The following ABLIM1 variants were observed in gnomAD, a reference collection of about 807,000 sequenced individuals.
ABLIM1 encodes the protein actin binding LIM protein 1.
In ABLIM1, 40 loss-of-function variants were observed where a neutral mutation model predicts 107.0. The ratio of observed to expected loss-of-function variants is 0.37; its 90% CI spans 0.29 to 0.49. ABLIM1 has a LOEUF of 0.49. Among genes scored for constraint, ABLIM1 ranks in the 20% least tolerant of loss-of-function variants. The pLI is 0.97. For missense variants in ABLIM1, 857 were observed against 1,008.5 expected (o/e 0.85, Z 2.04); for synonymous variants, 357 against 357.3 (o/e 1.00, Z 0.01).
At chr10:114,607,001 AC>A (rs1300865745) in intron 1 of ABLIM1, among the ~76,000 whole-genome samples, 1 of 151,904 alleles carries the variant, frequency 6.6e-6, no homozygotes, top group Non-Finnish European at 1.5e-5. Context: ...CCCTTTTCTC[AC>A]CCCAGCAGCC....
At chr10:114,770,054 C>A (rs2083004341), upstream of ABLIM1, among the ~76,000 whole-genome samples, 1 of 152,198 alleles carries the variant, frequency 6.6e-6, no homozygotes, top group African/African-American at 2.4e-5. Context: ...CCAGCCTCCA[C>A]TGCCTCCCTA....
intron 6 of ABLIM1, among the ~76,000 whole-genome samples, chr10:114,492,812 T>C (rs1409418824): frequency 6.6e-6 from 1 of 152,236 alleles, no homozygotes; most frequent in Non-Finnish European, 1.5e-5. Flanking sequence ...CATCAGAACC[T>C]GCATGAAACT....
chr10:114,601,968 G>GA lies in ABLIM1; in HGVS notation c.245-8dup, dbSNP rs750982574. 4 of 1,613,666 alleles carry GA rather than the reference G, an allele frequency of 2.5e-6. No individual in the cohort carries two copies. The Admixed American group carries it at 6.7e-5, about 27-fold the overall frequency. ...GGGTCCTGAGGGTGGGCCACTGAAA[G>GA]AAAATCAACAAAAGATCCAGGTGAG... On this transcript the variant is annotated splice_region_variant and splice_polypyrimidine_tract_variant and intron_variant, in intron 1 of 22. Coordinates refer to ENST00000533213, the MANE Select transcript of ABLIM1 (RefSeq NM_002313.7).
chr10:114,750,474 G>A (rs1422929270), intron 1 of ABLIM1, among the ~76,000 whole-genome samples: 2 of 152,150 alleles, frequency 1.3e-5, no homozygotes, highest in Non-Finnish European at 1.5e-5. Context: ...AAGTAAAAAG[G>A]TTGTTGATAA....
chr10:114,442,281 T>C (rs377621088), intron 17 of ABLIM1, among the ~76,000 whole-genome samples: 6 of 152,280 alleles, frequency 3.9e-5, no homozygotes, highest in African/African-American at 7.2e-5. Flanking sequence ...CAACCCTGTA[T>C]GTTATCAAGA....
rs539184351 is a variant in ABLIM1 at position 114,626,461 on chromosome 10, T to C, written c.245-24500A>G. ...AATCTCAGAGTCTGCCTAAGAGGTA[T>C]GAACTGGACTACTCACTTCTGATCA... On this transcript the variant is annotated intron_variant, in intron 1 of 22. Coordinates refer to ENST00000533213, the MANE Select transcript of ABLIM1 (RefSeq NM_002313.7). Among the ~76,000 whole-genome samples the C allele has an allele frequency of 1.2e-4, 19 of 152,314 alleles. No homozygotes were observed. In the Middle Eastern group the frequency reaches 0.01, roughly 82 times the overall value.
At position 114,565,195 on chromosome 10, in the gene ABLIM1, C is replaced by T. The variant is rs113101349; in HGVS notation, c.673+6102G>A. Among the ~76,000 whole-genome samples the T allele has an allele frequency of 1.1e-3, 174 of 152,334 alleles. No individual in the cohort carries two copies. The Middle Eastern group carries it at 0.014, about 12-fold the overall frequency. Reference sequence around the variant, plus strand: ...TGTGTCTAAAGAAGGAGAGGCAGATCTGTTTTTGGAGATGCTGTCATAAAA... The same window carrying T: ...TGTGTCTAAAGAAGGAGAGGCAGATTTGTTTTTGGAGATGCTGTCATAAAA... On this transcript the variant is annotated intron_variant, in intron 4 of 22. Coordinates refer to ENST00000533213, the MANE Select transcript of ABLIM1 (RefSeq NM_002313.7).
At chr10:114,657,662 C>A (rs148008495) in intron 1 of ABLIM1, among the ~76,000 whole-genome samples, 18 of 152,258 alleles carry the variant, frequency 1.2e-4, no homozygotes, top group African/African-American at 4.3e-4. Flanking sequence ...AGATAGAGAT[C>A]TTTCTTTTCC....
At chr10:114,575,276 A>C in intron 3 of ABLIM1, 140 bp downstream of exon 3, 1 of 915,650 alleles carries the variant, frequency 1.1e-6, no homozygotes, top group Non-Finnish European at 1.6e-6. Flanking sequence ...ACTAGGACTG[A>C]TAGTACAGTA....
chr10:114,566,556 T>A (rs533426929), intron 4 of ABLIM1, among the ~76,000 whole-genome samples: 14 of 152,352 alleles, frequency 9.2e-5, no homozygotes, highest in South Asian at 4.1e-4. Context: ...AATATTTTTT[T>A]AAAAATATGA....
chr10:114,518,283 T>G (rs914948921), intron 6 of ABLIM1, among the ~76,000 whole-genome samples: 1 of 152,086 alleles, frequency 6.6e-6, no homozygotes, highest in African/African-American at 2.4e-5. Flanking sequence ...GACCCAACTC[T>G]CAACAATAGC....
intron 6 of ABLIM1, among the ~76,000 whole-genome samples, chr10:114,544,626 C>T (rs546313789): frequency 2.0e-5 from 3 of 152,180 alleles, no homozygotes; most frequent in South Asian, 2.1e-4. Context: ...AATCTGCACA[C>T]GCCCACAGAT....
chr10:114,489,557 G>A (rs1159422161), intron 7 of ABLIM1, among the ~76,000 whole-genome samples: 1 of 152,156 alleles, frequency 6.6e-6, no homozygotes, highest in East Asian at 1.9e-4. Flanking sequence ...CAGACGTATA[G>A]GTCCCTTCAG....
At chr10:114,768,315 C>T (rs1304193796), upstream of ABLIM1, among the ~76,000 whole-genome samples, 1 of 146,992 alleles carries the variant, frequency 6.8e-6, no homozygotes, top group Non-Finnish European at 1.5e-5. Flanking sequence ...GGGCGGGGCG[C>T]GCCTCCCCCG....
upstream of ABLIM1, among the ~76,000 whole-genome samples, chr10:114,769,417 A>G (rs2082983673): frequency 7.0e-5 from 1 of 14,220 alleles, no homozygotes; most frequent in Admixed American, 5.8e-4. Flanking sequence ...AAAGAAAGAA[A>G]AGAAGGAAAG....
intron 6 of ABLIM1, among the ~76,000 whole-genome samples, chr10:114,536,133 G>A (rs1191907719): frequency 6.7e-6 from 1 of 149,990 alleles, no homozygotes; most frequent in Non-Finnish European, 1.5e-5. Flanking sequence ...CTAACTTACT[G>A]CCTGTCTCTG....
chr10:114,730,346 C>T (rs543850838), intron 1 of ABLIM1, among the ~76,000 whole-genome samples: 8 of 146,162 alleles, frequency 5.5e-5, no homozygotes, highest in East Asian at 2.0e-4. Context: ...TGCAGTGAGC[C>T]GAGATCGTGC....
At chr10:114,501,233 TAGAG>T (rs1256826088) in intron 6 of ABLIM1, among the ~76,000 whole-genome samples, 1 of 152,110 alleles carries the variant, frequency 6.6e-6, no homozygotes, top group East Asian at 1.9e-4. Flanking sequence ...AATCAAAACT[TAGAG>T]AGATCAGGAA....
chr10:114,684,793 T>A (rs1490260152), exon 1 of ABLIM1: 2 of 891,010 alleles, frequency 2.2e-6, no homozygotes, highest in Non-Finnish European at 2.7e-6. Context: ...CTGAAACACA[T>A]GAAATAAAGA....
Sources: gnomAD v4.1 joint callset for allele counts (sites outside exome capture counted in the v4.1 genomes callset) on GRCh38, gnomAD v4.1.1 for gene constraint, MANE v1.5 for transcripts, NCBI Gene and HGNC (gene_info 2026-07-23, HGNC 2026-07-21) for gene names.